Variants in PDPK1 observed in about 807,000 individuals in gnomAD.
PDPK1 encodes 3-phosphoinositide-dependent protein kinase 1.
In PDPK1, 7 loss-of-function variants were observed where a neutral mutation model predicts 39.8. The ratio of observed to expected loss-of-function variants is 0.18; its 90% CI spans 0.10 to 0.33. PDPK1 has a LOEUF of 0.33. Among genes scored for constraint, PDPK1 ranks in the 10% least tolerant of loss-of-function variants. The pLI, the probability that PDPK1 is intolerant of heterozygous loss-of-function variation, is 1.00. For synonymous variants in PDPK1, 118 were observed against 159.1 expected (o/e 0.74, Z 1.95); for missense variants, 182 against 384.7 (o/e 0.47, Z 4.41).
intron 1 of PDPK1, among the ~76,000 whole-genome samples, chr16:2,540,063 G>C (rs1246571545): frequency 6.6e-6 from 1 of 152,250 alleles, no homozygotes; most frequent in Non-Finnish European, 1.5e-5. Flanking sequence ...ACGTATGTGA[G>C]AACATGCCGT....
At position 2,602,588 on chromosome 16, in the gene PDPK1, C is replaced by T; in HGVS notation, c.*4821C>T. On this transcript the variant is annotated 3_prime_UTR_variant, in exon 14 of 14. Coordinates refer to ENST00000342085, the MANE Select transcript of PDPK1 (RefSeq NM_002613.5). ...GGGGTCATTGTGCTGGTAAAAGCCT[C>T]TATTACGACTGTAAGTAAGTTGGAT... The T allele has an allele frequency of 4.3e-6, 1 of 234,464 alleles. No homozygotes were observed. The highest frequency in any genetic ancestry group is 6.0e-5 in the East Asian group (1 of 16,596). The allele number at this position is 234,464 out of a possible 1,614,324, so 14.5% of individuals were successfully genotyped here.
chr16:2,540,248 CA>C (rs1835273405), intron 1 of PDPK1, among the ~76,000 whole-genome samples: 1 of 152,312 alleles, frequency 6.6e-6, no homozygotes, highest in East Asian at 1.9e-4. Context: ...GGACAGCCAA[CA>C]GGGGGAGCAG....
At chr16:2,584,754 C>T (rs893251873) in intron 10 of PDPK1, among the ~76,000 whole-genome samples, 40 of 151,584 alleles carry the variant, frequency 2.6e-4, no homozygotes, top group African/African-American at 8.3e-4. Flanking sequence ...TGCTGTGTAA[C>T]GCCCCTCATC....
intron 1 of PDPK1, chr16:2,539,430 A>C (rs1252750382): frequency 6.7e-6 from 1 of 149,614 alleles, no homozygotes; most frequent in Non-Finnish European, 1.5e-5. Context: ...TGGGGCGGGG[A>C]GTGGGGGGTT....
Position 2,599,240 on chromosome 16 carries a change from A to G in PDPK1, c.*1473A>G, listed in dbSNP as rs2067164626. 4.3e-6 allele frequency: 1 copy of G among 232,566 alleles called. No homozygotes were observed. Among genetic ancestry groups the G allele is most frequent in the South Asian group, 1.8e-4 (1 of 5,528 alleles). 14.4% of individuals were successfully genotyped at this position (232,566 alleles called of 1,614,324 possible). ...CACTCCCTTTGGGGGAGAGGCAGAC[A>G]TTGCTGCCCACAGACCTGCCTCTGA... On this transcript the variant is annotated 3_prime_UTR_variant, in exon 14 of 14. Coordinates refer to ENST00000342085, the MANE Select transcript of PDPK1 (RefSeq NM_002613.5).
chr16:2,595,717 C>T (rs968691533), intron 11 of PDPK1, 76 bp from the exon 12 acceptor site: 5 of 1,184,862 alleles, frequency 4.2e-6, no homozygotes, highest in South Asian at 3.7e-5. Context: ...ATGGGGAGTT[C>T]GTGTGGCAGG....
chr16:2,540,816 A>AAAAT (rs1305203132), intron 1 of PDPK1, among the ~76,000 whole-genome samples: 6 of 152,202 alleles, frequency 3.9e-5, no homozygotes, highest in Non-Finnish European at 7.3e-5. Context: ...GAACAAAGAA[A>AAAAT]CATGTAATGA....
chr16:2,540,571 G>A (rs1256961584), intron 1 of PDPK1, among the ~76,000 whole-genome samples: 4 of 152,198 alleles, frequency 2.6e-5, no homozygotes, highest in African/African-American at 7.2e-5. Context: ...CACTGCCCAG[G>A]ATGTCTTCCC....
At chr16:2,552,980 C>A (rs1324621883) in intron 1 of PDPK1, among the ~76,000 whole-genome samples, 1 of 143,006 alleles carries the variant, frequency 7.0e-6, no homozygotes, top group South Asian at 2.2e-4. Flanking sequence ...AGCCAGCGTG[C>A]GAGGCTGCTG....
intron 11 of PDPK1, among the ~76,000 whole-genome samples, chr16:2,591,299 T>A (rs940710228): frequency 2.6e-5 from 4 of 152,206 alleles, no homozygotes; most frequent in African/African-American, 9.7e-5. Context: ...AACCGTAGAA[T>A]GAAATTTGTC....
At chr16:2,546,504 G>T (rs8045089) in intron 1 of PDPK1, among the ~76,000 whole-genome samples, 7,069 of 151,988 alleles carry the variant, frequency 0.047, 546 homozygotes, top group African/African-American at 0.16. Flanking sequence ...GGGCTAATTT[G>T]TGTATTTTTA....
rs1298713752 is a variant in PDPK1 at position 2,573,751 on chromosome 16, A to T, written c.710-3674A>T. On this transcript the variant is annotated intron_variant, in intron 6 of 13. Coordinates refer to ENST00000342085, the MANE Select transcript of PDPK1 (RefSeq NM_002613.5). ...TGTCTCGGGAAGAAAAAAAAAAAAA[A>T]TAGAATTGTGAATTTTCTTCCCTTT... Among the ~76,000 whole-genome samples the T allele has an allele frequency of 2.2e-5, 3 of 139,070 alleles. 1 individual carries two copies. The highest frequency in any genetic ancestry group is 4.5e-5 in the Non-Finnish European group (3 of 66,424). The allele number at this position is 139,070 out of a possible 152,430, so 91.2% of individuals were successfully genotyped here.
chr16:2,538,098 G>C lies in PDPK1; in HGVS notation c.-15G>C. Reference sequence around the variant, plus strand: ...GCAGCGCTGCGGGGGAGGCGCCCGCGCCGACGCGGGGCCCATGGCCAGGAC... The same window carrying C: ...GCAGCGCTGCGGGGGAGGCGCCCGCCCCGACGCGGGGCCCATGGCCAGGAC... On this transcript the variant is annotated 5_prime_UTR_variant, in exon 1 of 14. Transcript: ENST00000342085. The C allele has an allele frequency of 9.4e-7, 1 of 1,058,712 alleles. No individual in the cohort carries two copies. The highest frequency in any genetic ancestry group is 1.1e-6 in the Non-Finnish European group (1 of 875,848). The allele number at this position is 1,058,712 out of a possible 1,614,324, so 65.6% of individuals were successfully genotyped here.
intron 1 of PDPK1, among the ~76,000 whole-genome samples, chr16:2,544,670 G>A (rs1408194066): frequency 2.6e-5 from 4 of 151,688 alleles, no homozygotes; most frequent in Admixed American, 2.0e-4. Flanking sequence ...TGCAAGCTCC[G>A]CCTCCTGGGT....
intron 1 of PDPK1, among the ~76,000 whole-genome samples, chr16:2,550,245 C>T (rs2141948199): frequency 6.6e-6 from 1 of 150,886 alleles, no homozygotes; most frequent in Non-Finnish European, 1.5e-5. Context: ...AGAAAAATGG[C>T]ATTTTATTTA....
chr16:2,597,317 A>T lies in PDPK1; in HGVS notation c.1554+42A>T. The T allele has an allele frequency of 6.6e-7, 1 of 1,525,950 alleles. No individual in the cohort carries two copies. The highest frequency in any genetic ancestry group is 8.9e-7 in the Non-Finnish European group (1 of 1,119,744). The allele number at this position is 1,525,950 out of a possible 1,614,324, so 94.5% of individuals were successfully genotyped here. ...GGATTTCTGTGTGCAGGGTAATGGG[A>T]GGGCTTTGCACCACGTGGGAAGCAG... On this transcript the variant is annotated intron_variant, in intron 13 of 13. Transcript: ENST00000342085. This position sits in a 1 kb window ranked among gnomAD's most constrained non-coding sequence, Gnocchi z 6.3.
intron 1 of PDPK1, among the ~76,000 whole-genome samples, chr16:2,551,696 C>G (rs1464402534): frequency 2.4e-5 from 3 of 126,012 alleles, no homozygotes; most frequent in African/African-American, 8.9e-5. Context: ...GACGGAGTTT[C>G]GCTTTTTTTA....
chr16:2,538,840 C>G, intron 1 of PDPK1: 1 of 1,093,650 alleles, frequency 9.1e-7, no homozygotes, highest in South Asian at 1.5e-5. Context: ...CTAAAAGTGT[C>G]GCTGGTGTTT....
rs181812978 is a variant in PDPK1, at chr16:2,593,449, G to A, written c.1344-2344G>A. On this transcript the variant is annotated intron_variant, in intron 11 of 13. Coordinates refer to ENST00000342085, the MANE Select transcript of PDPK1 (RefSeq NM_002613.5). This position sits in a 1 kb window ranked among gnomAD's most constrained non-coding sequence, Gnocchi z 4.2. ...TCCGTGGCTCCCACAGCTCAGTGCTGGGCTGCTGTTCTCGCTCTCAGCCAG... is the reference window on the plus strand; with the variant it reads ...TCCGTGGCTCCCACAGCTCAGTGCTAGGCTGCTGTTCTCGCTCTCAGCCAG... 3.0e-3 allele frequency: 786 copies of A among 262,266 alleles called. 1 individual carries two copies. Among genetic ancestry groups the A allele is most frequent in the Non-Finnish European group, 5.1e-3 (677 of 133,956 alleles). The allele number at this position is 262,266 out of a possible 1,614,324, so 16.2% of individuals were successfully genotyped here. A position where few individuals can be genotyped will look rare whatever the true frequency, so the allele number is the denominator to read the frequency against.
Sources: gnomAD v4.1 joint callset for allele counts (sites outside exome capture counted in the v4.1 genomes callset) on GRCh38, gnomAD v4.1.1 for gene constraint, Gnocchi (gnomAD v3.1) non-coding constraint, MANE v1.5 for transcripts, NCBI Gene and HGNC (gene_info 2026-07-23, HGNC 2026-07-21) for gene names.